Variants in GNA13 observed in about 807,000 individuals in gnomAD.
GNA13 encodes guanine nucleotide-binding protein subunit alpha-13.
A neutral mutation model predicts 33.5 loss-of-function variants in GNA13; 4 were observed. The observed-to-expected ratio is 0.12, with a 90% CI of 0.06 to 0.27. The LOEUF (loss-of-function observed/expected upper bound fraction) is 0.27. Ranked by LOEUF, GNA13 falls within the 10% of genes least tolerant of loss-of-function variation. The pLI, the probability that GNA13 is intolerant of heterozygous loss-of-function variation, is 1.00. For missense variants in GNA13, 319 were observed against 487.2 expected (o/e 0.65, Z 3.25); for synonymous variants, 176 against 183.8 (o/e 0.96, Z 0.34).
rs1394622239 is a variant in GNA13, at chr17:65,056,556, A to T, written c.38T>A (p.Val13Glu). Reference sequence around the variant, plus strand: ...CGTCAGCAGGCAGCCGGGGAAGCACACGGACAGCACGGACCGCGACGGCAG... The same window carrying T: ...CGTCAGCAGGCAGCCGGGGAAGCACTCGGACAGCACGGACCGCGACGGCAG... ...DFLPSRSVLS[V>E]CFPGCLLTSG... Residue 13 changes from valine to glutamate, a missense_variant, in exon 1 of 4, where the codon GTG (valine) becomes GAG (glutamate). By Grantham distance (121) the Val-to-Glu change is moderately radical. This residue lies in a region of GNA13 where 47 missense variants were observed against 64.7 expected (regional missense o/e 0.73). Coordinates refer to ENST00000439174, the MANE Select transcript of GNA13 (RefSeq NM_006572.6). 1 of 1,610,808 alleles carries T rather than the reference A, an allele frequency of 6.2e-7. No individual in the cohort carries two copies. Among genetic ancestry groups the T allele is most frequent in the East Asian group, 2.2e-5 (1 of 44,766 alleles).
chr17:65,024,471 A>G (rs1488341446), intron 2 of GNA13, among the ~76,000 whole-genome samples: 1 of 152,252 alleles, frequency 6.6e-6, no homozygotes, highest in Admixed American at 6.5e-5. Context: ...ACACAAGTTT[A>G]TATTTTTAAT....
chr17:65,037,777 G>GAAAAAAAAAAAAAAAAATAAAAAA (rs145051963), intron 2 of GNA13, among the ~76,000 whole-genome samples: 1 of 82,040 alleles, frequency 1.2e-5, no homozygotes, highest in Non-Finnish European at 2.1e-5. Context: ...CTACAAAAAT[G>GAAAAAAAAAAAAAAAAATAAAAAA]GAAAAAAAAA....
At chr17:65,020,272 T>C (rs900197314) in intron 2 of GNA13, among the ~76,000 whole-genome samples, 4 of 152,224 alleles carry the variant, frequency 2.6e-5, no homozygotes, top group Non-Finnish European at 5.9e-5. Context: ...GGAACAGATG[T>C]GAATTTCAGT....
At chr17:65,018,111 AAAAAAAAAAAAAAAAAAAAAAAAAAAAAG>A (rs1906440733) in intron 3 of GNA13, 113 bp downstream of exon 3, 4 of 137,494 alleles carry the variant, frequency 2.9e-5, no homozygotes, top group African/African-American at 1.5e-4. Context: ...AAAAAAAAAA[AAAAAAAAAAAAAAAAAAAAAAAAAAAAAG>A]AGAGAAAGAA....
At chr17:65,036,689 G>C (rs1387429278) in intron 2 of GNA13, among the ~76,000 whole-genome samples, 1 of 152,210 alleles carries the variant, frequency 6.6e-6, no homozygotes, top group African/African-American at 2.4e-5. Context: ...CTGGGTGAAA[G>C]AGTGAGACTA....
At chr17:65,043,806 GT>G (rs1320924207) in intron 2 of GNA13, among the ~76,000 whole-genome samples, 1 of 152,112 alleles carries the variant, frequency 6.6e-6, no homozygotes, top group African/African-American at 2.4e-5. Context: ...GGATGAAAAA[GT>G]TTACCCACCG....
At chr17:65,043,179 T>C (rs1226802684) in intron 2 of GNA13, among the ~76,000 whole-genome samples, 1 of 152,146 alleles carries the variant, frequency 6.6e-6, no homozygotes, top group Non-Finnish European at 1.5e-5. Flanking sequence ...CTTACTCCAC[T>C]TTATCCCACA....
At chr17:65,037,595 C>T (rs1907294305) in intron 2 of GNA13, among the ~76,000 whole-genome samples, 1 of 151,860 alleles carries the variant, frequency 6.6e-6, no homozygotes, top group African/African-American at 2.4e-5. Flanking sequence ...CTGCTAGGAT[C>T]TCCTCCTCTG....
In GNA13 at chr17:65,051,375, G is replaced by A. The variant is rs147605664; in HGVS notation, c.510+2127C>T. 5.8e-3 allele frequency among the ~76,000 whole-genome samples: 887 copies of A among 152,284 alleles called. 8 individuals carry two copies. Among genetic ancestry groups the A allele is most frequent in the African/African-American group, 0.02 (816 of 41,544 alleles). ...TCATGCCTGTAATCCCAGCACTTTG[G>A]GAGGGCAAGGCAGGCAGATCACCTG... On this transcript the variant is annotated intron_variant, in intron 2 of 3. Transcript: ENST00000439174.
At chr17:65,018,162 A>T in intron 3 of GNA13, 91 bp downstream of exon 3, 1 of 588,770 alleles carries the variant, frequency 1.7e-6, no homozygotes, top group Admixed American at 2.4e-5. Flanking sequence ...CAAATAGCTT[A>T]ATACATAATT....
At chr17:65,019,093 C>T (rs1906490705) in intron 2 of GNA13, among the ~76,000 whole-genome samples, 1 of 152,068 alleles carries the variant, frequency 6.6e-6, no homozygotes, top group African/African-American at 2.4e-5. Flanking sequence ...AAGCTACTTC[C>T]AAGTGTTCCT....
chr17:65,031,183 T>C lies in GNA13; in HGVS notation c.511-12880A>G, dbSNP rs537636427. ...GCCTATTGCTTCTAGGCTACAAAGC[T>C]GTACAGCACGTTACTGTACTGAATA... On this transcript the variant is annotated intron_variant, in intron 2 of 3. Coordinates refer to ENST00000439174, the MANE Select transcript of GNA13 (RefSeq NM_006572.6). Among the ~76,000 whole-genome samples, 3 of 152,362 alleles carry C rather than the reference T, an allele frequency of 2.0e-5. No individual in the cohort carries two copies. In the East Asian group the frequency reaches 5.8e-4, roughly 29 times the overall value.
At chr17:65,044,761 TAAC>T (rs990487665) in intron 2 of GNA13, among the ~76,000 whole-genome samples, 11 of 150,590 alleles carry the variant, frequency 7.3e-5, no homozygotes, top group African/African-American at 2.4e-4. Flanking sequence ...CATAAAAAGT[TAAC>T]AATAGGCCGG....
chr17:65,028,554 C>T (rs1906889525), intron 2 of GNA13, among the ~76,000 whole-genome samples: 1 of 151,980 alleles, frequency 6.6e-6, no homozygotes, highest in Admixed American at 6.6e-5. Context: ...TAGCAGTTGC[C>T]TCTTGTAATT....
At chr17:65,045,386 G>T (rs1055272272) in intron 2 of GNA13, among the ~76,000 whole-genome samples, 4 of 151,776 alleles carry the variant, frequency 2.6e-5, no homozygotes, top group African/African-American at 9.7e-5. Context: ...TGGGTATGGC[G>T]GTGCACGCTT....
intron 1 of GNA13, 72 bp downstream of exon 1, chr17:65,056,239 G>GCCCGGGCCCCCC: frequency 1.1e-6 from 1 of 936,170 alleles, no homozygotes; most frequent in Non-Finnish European, 1.6e-6. Flanking sequence ...CCAGGGCGGT[G>GCCCGGGCCCCCC]CCCCGCCCCG....
At chr17:65,038,334 CG>C (rs1191709279) in intron 2 of GNA13, among the ~76,000 whole-genome samples, 2 of 151,544 alleles carry the variant, frequency 1.3e-5, no homozygotes, top group Non-Finnish European at 2.9e-5. Flanking sequence ...AGCTCGGAGG[CG>C]GAGGTTGCAG....
chr17:65,024,183 T>C (rs1906689221), intron 2 of GNA13, among the ~76,000 whole-genome samples: 1 of 152,088 alleles, frequency 6.6e-6, no homozygotes, highest in Non-Finnish European at 1.5e-5. Context: ...AGCCCGGGGG[T>C]TGAGGCTGCA....
intron 2 of GNA13, 72 bp downstream of exon 2, chr17:65,053,430 A>T: frequency 1.1e-6 from 1 of 925,418 alleles, no homozygotes. Context: ...TTTTCGCATT[A>T]GGGATGTGCA....
Sources: allele counts gnomAD v4.1 joint callset (sites outside exome capture counted in the v4.1 genomes callset), GRCh38; gene constraint gnomAD v4.1.1; regional missense constraint gnomAD v4.1.1; transcripts MANE v1.5; gene names NCBI Gene and HGNC (gene_info 2026-07-23, HGNC 2026-07-21).